Variants in TMEM156 observed in about 807,000 individuals in gnomAD.
TMEM156 encodes the protein transmembrane protein 156.
In TMEM156, 28 loss-of-function variants were observed where a neutral mutation model predicts 30.5. The observed-to-expected ratio is 0.92, with a 90% CI of 0.68 to 1.26. The LOEUF (loss-of-function observed/expected upper bound fraction) is 1.26, where lower values mean the gene tolerates loss of function less well. Among genes scored for constraint, TMEM156 ranks in the 50% most tolerant of loss-of-function variants. The pLI is 0.00. For synonymous variants in TMEM156, 137 were observed against 119.9 expected (o/e 1.14, Z -0.93); for missense variants, 351 against 340.6 (o/e 1.03, Z -0.24).
chr4:38,998,622 C>A lies in TMEM156; in HGVS notation c.358+18G>T. On this transcript the variant is annotated intron_variant, in intron 2 of 6. Coordinates refer to ENST00000381938, the MANE Select transcript of TMEM156 (RefSeq NM_024943.3). ...TATACCTGATACCATTTTATTCTCA[C>A]CTTCACTTTGTGTTTACCTTTTGAT... 1 of 1,597,296 alleles carries A rather than the reference C, an allele frequency of 6.3e-7. No homozygotes were observed. The highest frequency in any genetic ancestry group is 1.3e-5 in the African/African-American group (1 of 74,352).
In TMEM156 at chr4:38,996,294, C is replaced by A. The variant is rs554353306; in HGVS notation, c.359-2296G>T. 1.6e-3 allele frequency among the ~76,000 whole-genome samples: 240 copies of A among 150,872 alleles called. 2 individuals carry two copies. The highest frequency in any genetic ancestry group is 5.7e-3 in the African/African-American group (233 of 41,126). On this transcript the variant is annotated intron_variant, in intron 2 of 6. Transcript: ENST00000381938. Reference sequence around the variant, plus strand: ...AAAAAAAAGAACAGGTGCAGTGGCTCACACCTGTAATCCCAATACTTCCGG... The same window carrying A: ...AAAAAAAAGAACAGGTGCAGTGGCTAACACCTGTAATCCCAATACTTCCGG...
intron 3 of TMEM156, among the ~76,000 whole-genome samples, chr4:38,990,838 T>TC (rs1553878614): frequency 7.7e-6 from 1 of 129,722 alleles, no homozygotes; most frequent in African/African-American, 2.9e-5. Context: ...TGGTTTTTTT[T>TC]TTTTTTTTTT....
At chr4:38,990,840 T>TG (rs1712390984) in intron 3 of TMEM156, among the ~76,000 whole-genome samples, 1 of 131,796 alleles carries the variant, frequency 7.6e-6, no homozygotes, top group African/African-American at 2.8e-5. Context: ...GTTTTTTTTT[T>TG]TTTTTTTTTT....
chr4:38,998,590 A>T, intron 2 of TMEM156, 50 bp downstream of exon 2: 1 of 1,493,808 alleles, frequency 6.7e-7, no homozygotes. Flanking sequence ...AACAGAATAA[A>T]TTAATTTATA....
chr4:39,028,684 C>T (rs1715350811), intron 1 of TMEM156: 1 of 152,116 alleles, frequency 6.6e-6, no homozygotes, highest in Non-Finnish European at 1.5e-5. Flanking sequence ...ACTGTAAGTC[C>T]AACAAAAACA....
At chr4:38,991,937 C>A (rs1467308195) in intron 3 of TMEM156, among the ~76,000 whole-genome samples, 1 of 152,138 alleles carries the variant, frequency 6.6e-6, no homozygotes, top group Non-Finnish European at 1.5e-5. Flanking sequence ...TACTCAGATC[C>A]TCTTCCATAG....
intron 1 of TMEM156, among the ~76,000 whole-genome samples, chr4:39,016,967 G>A (rs1371893841): frequency 6.6e-6 from 1 of 152,076 alleles, no homozygotes; most frequent in East Asian, 1.9e-4. Context: ...TGGCAGGCAA[G>A]CGAACTTGTG....
intron 1 of TMEM156, among the ~76,000 whole-genome samples, chr4:39,020,870 C>A (rs764491880): frequency 6.6e-5 from 10 of 152,050 alleles, no homozygotes; most frequent in Non-Finnish European, 1.3e-4. Flanking sequence ...TTTTGAGGAG[C>A]CTTTATGCTG....
At chr4:38,968,978 T>C (rs962311439) in intron 6 of TMEM156, among the ~76,000 whole-genome samples, 3 of 152,160 alleles carry the variant, frequency 2.0e-5, no homozygotes, top group Non-Finnish European at 2.9e-5. Context: ...GAGGAAGAGA[T>C]GATGGCAAAG....
intron 1 of TMEM156, among the ~76,000 whole-genome samples, chr4:39,000,564 T>C (rs1343002184): frequency 1.3e-5 from 2 of 152,178 alleles, no homozygotes; most frequent in African/African-American, 4.8e-5. Context: ...AAAACACTTT[T>C]GAAATTTGTA....
chr4:39,014,904 GAA>G (rs997386348), intron 1 of TMEM156, among the ~76,000 whole-genome samples: 1 of 151,844 alleles, frequency 6.6e-6, no homozygotes, highest in African/African-American at 2.4e-5. Flanking sequence ...TCTGTTTCTT[GAA>G]AGTTTGGCAG....
intron 5 of TMEM156, among the ~76,000 whole-genome samples, chr4:38,982,425 T>C (rs1019307855): frequency 6.6e-6 from 1 of 152,246 alleles, no homozygotes; most frequent in Non-Finnish European, 1.5e-5. Flanking sequence ...TTCTTTGATA[T>C]CCATAGCCCT....
rs545590361 is a variant in TMEM156 at position 38,977,951 on chromosome 4, G to A, written c.824-6814C>T. Among the ~76,000 whole-genome samples the A allele has an allele frequency of 3.3e-5, 5 of 152,050 alleles. No homozygotes were observed. In the South Asian group the frequency reaches 6.2e-4, roughly 19 times the overall value. On this transcript the variant is annotated intron_variant, in intron 5 of 6. Coordinates refer to ENST00000381938, the MANE Select transcript of TMEM156 (RefSeq NM_024943.3). ...CTTCTTTTAGATAAAGATTTCTATC[G>A]CTTTTCAAAGGTGCTTTATATCCAT...
chr4:39,011,964 T>C (rs1011553082), intron 1 of TMEM156, among the ~76,000 whole-genome samples: 2 of 151,980 alleles, frequency 1.3e-5, no homozygotes, highest in Non-Finnish European at 2.9e-5. Flanking sequence ...TAGCTAAACA[T>C]TGGGTACACA....
At chr4:38,995,499 G>A (rs754496631) in intron 2 of TMEM156, among the ~76,000 whole-genome samples, 3 of 152,102 alleles carry the variant, frequency 2.0e-5, no homozygotes, top group Non-Finnish European at 2.9e-5. Context: ...GGTGGATCAC[G>A]AGGTCAAGAG....
At chr4:39,007,208 G>A (rs1267858706) in intron 1 of TMEM156, among the ~76,000 whole-genome samples, 2 of 152,016 alleles carry the variant, frequency 1.3e-5, no homozygotes, top group African/African-American at 4.8e-5. Context: ...CTGTATACAA[G>A]CTCTTATATC....
At chr4:38,998,961 G>A (rs764549500) in intron 1 of TMEM156, 52 bp from the exon 2 acceptor site, 1 of 1,522,382 alleles carries the variant, frequency 6.6e-7, no homozygotes, top group Non-Finnish European at 8.8e-7. Flanking sequence ...TTGAGTTTTT[G>A]GCATTCAAAT....
At chr4:38,986,580 A>G (rs1712002777) in intron 4 of TMEM156, among the ~76,000 whole-genome samples, 161 bp from the exon 5 acceptor site, 1 of 152,002 alleles carries the variant, frequency 6.6e-6, no homozygotes, top group Non-Finnish European at 1.5e-5. Context: ...AGGCTGAGGC[A>G]GGGAGATCAC....
At chr4:39,013,416 T>A (rs868467830) in intron 1 of TMEM156, among the ~76,000 whole-genome samples, 12 of 125,442 alleles carry the variant, frequency 9.6e-5, no homozygotes, top group East Asian at 7.2e-4. Context: ...TTTATTTATT[T>A]ATTAAGACGG....
Sources: gnomAD v4.1 joint callset for allele counts (sites outside exome capture counted in the v4.1 genomes callset) on GRCh38, gnomAD v4.1.1 for gene constraint, MANE v1.5 for transcripts, NCBI Gene and HGNC (gene_info 2026-07-23, HGNC 2026-07-21) for gene names.